Variants in SNX18 observed in about 807,000 individuals in gnomAD.
The protein encoded by SNX18 is sorting nexin-18.
A neutral mutation model predicts 48.7 loss-of-function variants in SNX18; 35 were observed. The observed-to-expected ratio is 0.72, with a 90% CI of 0.55 to 0.95. The LOEUF is 0.95. SNX18 is among the 40% of genes least tolerant of loss of function. SNX18 has a pLI of 0.00. For missense variants in SNX18, 824 were observed against 871.0 expected (o/e 0.95, Z 0.68); for synonymous variants, 492 against 384.7 (o/e 1.28, Z -3.26).
At chr5:54,643,096 G>T in the SNX18 span, among the ~76,000 whole-genome samples, 1 of 152,092 alleles carries the variant, frequency 6.6e-6, no homozygotes, top group Non-Finnish European at 1.5e-5. Flanking sequence ...TATAAAGGGA[G>T]GGGGGATAAC....
At chr5:54,532,312 T>TTTTTTC (rs1419898887) in intron 1 of SNX18, among the ~76,000 whole-genome samples, 1 of 99,812 alleles carries the variant, frequency 1.0e-5, no homozygotes, top group Non-Finnish European at 2.4e-5. Context: ...TGTTGCTTTT[T>TTTTTTC]TTTTTTCTTT....
At chr5:54,628,900 C>G in the SNX18 span, among the ~76,000 whole-genome samples, 4 of 152,192 alleles carry the variant, frequency 2.6e-5, no homozygotes, top group African/African-American at 9.6e-5. Flanking sequence ...CCTGTGTCTC[C>G]CCCTCGAGAA....
rs893336349 is a variant in SNX18 at position 54,529,971 on chromosome 5, C to T, written c.1621+10398C>T. 3.3e-5 allele frequency among the ~76,000 whole-genome samples: 5 copies of T among 152,144 alleles called. No individual in the cohort carries two copies. In the East Asian group the frequency reaches 5.8e-4, roughly 18 times the overall value. On this transcript the variant is annotated intron_variant, in intron 1 of 1. Coordinates refer to ENST00000381410, the MANE Select transcript of SNX18 (RefSeq NM_001102575.2). ...ATGGGTTCTCTTAGAGTTCTAGAGA[C>T]GAGAAGTCTGGAAGGACAGTGTGGC...
At chr5:54,605,660 A>T in the SNX18 span, among the ~76,000 whole-genome samples, 4 of 152,092 alleles carry the variant, frequency 2.6e-5, no homozygotes, top group Middle Eastern at 3.2e-3. Context: ...CAATTTTGAA[A>T]CTTATTTATT....
At chr5:54,524,711 T>A (rs1351328408) in intron 1 of SNX18, among the ~76,000 whole-genome samples, 1 of 152,266 alleles carries the variant, frequency 6.6e-6, no homozygotes, top group African/African-American at 2.4e-5. Flanking sequence ...GAGCTCTGTT[T>A]GACAAGATTA....
At chr5:54,609,215 C>T in the SNX18 span, among the ~76,000 whole-genome samples, 4 of 152,182 alleles carry the variant, frequency 2.6e-5, no homozygotes, top group East Asian at 3.9e-4. Flanking sequence ...CTAGTGCCAC[C>T]GAGGAGCTGA....
Position 54,518,131 on chromosome 5 carries a change from G to T in SNX18, c.179G>T (p.Arg60Leu). 2 of 1,438,092 alleles carry T rather than the reference G, an allele frequency of 1.4e-6. No homozygotes were observed. The highest frequency in any genetic ancestry group is 9.1e-7 in the Non-Finnish European group (1 of 1,101,160). The allele number at this position is 1,438,092 out of a possible 1,614,324, so 89.1% of individuals were successfully genotyped here. A position where few individuals can be genotyped will look rare whatever the true frequency, so the allele number is the denominator to read the frequency against. The change falls in exon 1 of 2, where the codon CGC becomes CTC. Residue 60 changes from arginine to leucine, a missense_variant. Physicochemically the swap from Arg to Leu is moderately radical, Grantham distance 102 (BLOSUM62 -2). This residue lies in a region of SNX18 where 377 missense variants were observed against 350.6 expected (regional missense o/e 1.08). Transcript: ENST00000381410. ...LFPASYVQVIRAPEPGPAGDG... is the reference protein window; with the variant it reads ...LFPASYVQVILAPEPGPAGDG... ...CCGGCCTCCTATGTGCAGGTGATCC[G>T]CGCCCCCGAGCCTGGCCCGGCGGGA...
At chr5:54,530,274 AG>A (rs1762228404) in intron 1 of SNX18, among the ~76,000 whole-genome samples, 1 of 152,170 alleles carries the variant, frequency 6.6e-6, no homozygotes, top group South Asian at 2.1e-4. Context: ...TCACAGTCAA[AG>A]GTTCCATGTA....
chr5:54,528,207 G>T (rs1762174301), intron 1 of SNX18, among the ~76,000 whole-genome samples: 1 of 151,890 alleles, frequency 6.6e-6, no homozygotes, highest in Non-Finnish European at 1.5e-5. Flanking sequence ...ATGTTTACTG[G>T]GGTCTCGTTT....
the SNX18 span, among the ~76,000 whole-genome samples, chr5:54,562,894 G>A: frequency 6.6e-6 from 1 of 152,212 alleles, no homozygotes; most frequent in African/African-American, 2.4e-5. Flanking sequence ...GCAAGATGTG[G>A]AGGTGGAAGA....
chr5:54,573,332 T>G, the SNX18 span, among the ~76,000 whole-genome samples: 1 of 152,132 alleles, frequency 6.6e-6, no homozygotes, highest in Admixed American at 6.6e-5. Context: ...TGCTTTTACT[T>G]TGCACTTCAG....
the SNX18 span, among the ~76,000 whole-genome samples, chr5:54,625,375 C>A: frequency 7.9e-5 from 12 of 152,196 alleles, no homozygotes; most frequent in African/African-American, 2.9e-4. Flanking sequence ...CAACTAGAGG[C>A]AGGCAGATCT....
the SNX18 span, among the ~76,000 whole-genome samples, chr5:54,577,634 C>T: frequency 6.6e-6 from 1 of 152,178 alleles, no homozygotes; most frequent in African/African-American, 2.4e-5. Context: ...TGAAGATGAA[C>T]AATGTAACTC....
chr5:54,534,230 C>CTT (rs1191785523), intron 1 of SNX18, among the ~76,000 whole-genome samples: 1 of 120,866 alleles, frequency 8.3e-6, no homozygotes, highest in Non-Finnish European at 1.8e-5. Context: ...AAGGTGCTTT[C>CTT]TTTTTTCTTT....
At chr5:54,630,175 C>G in the SNX18 span, among the ~76,000 whole-genome samples, 4 of 152,192 alleles carry the variant, frequency 2.6e-5, no homozygotes, top group Non-Finnish European at 5.9e-5. Flanking sequence ...CTCTGTTGTA[C>G]TCAGTGCCCC....
the SNX18 span, among the ~76,000 whole-genome samples, chr5:54,637,710 T>C: frequency 6.6e-6 from 1 of 152,218 alleles, no homozygotes; most frequent in Non-Finnish European, 1.5e-5. Flanking sequence ...AACAGTTGTG[T>C]CAAAATGGCC....
chr5:54,608,885 A>ATGTGTGCCTTCCC, the SNX18 span, among the ~76,000 whole-genome samples: 2 of 152,136 alleles, frequency 1.3e-5, no homozygotes, highest in African/African-American at 4.8e-5. Flanking sequence ...GGTCTTATTA[A>ATGTGTGCCTTCCC]ACACTCTGGC....
At chr5:54,617,790 G>T in the SNX18 span, among the ~76,000 whole-genome samples, 1 of 151,928 alleles carries the variant, frequency 6.6e-6, no homozygotes, top group Non-Finnish European at 1.5e-5. Context: ...TCCAACTCCT[G>T]GCTTCAAGCA....
chr5:54,586,832 A>G, the SNX18 span, among the ~76,000 whole-genome samples: 1 of 152,190 alleles, frequency 6.6e-6, no homozygotes, highest in Admixed American at 6.5e-5. Context: ...GGGCAAGCCA[A>G]GGATGGAAGG....
Sources: gnomAD v4.1 joint callset for allele counts (sites outside exome capture counted in the v4.1 genomes callset) on GRCh38, gnomAD v4.1.1 for gene constraint, gnomAD v4.1.1 regional missense constraint, MANE v1.5 for transcripts, NCBI Gene and HGNC (gene_info 2026-07-23, HGNC 2026-07-21) for gene names.